The following ETFDH variants were observed in gnomAD, a reference collection of about 807,000 sequenced individuals.
The protein encoded by ETFDH is electron transfer flavoprotein dehydrogenase.
In ETFDH, 61 loss-of-function variants were observed where a neutral mutation model predicts 73.2. The observed-to-expected ratio is 0.83, with a 90% CI of 0.68 to 1.03. The LOEUF (loss-of-function observed/expected upper bound fraction) is 1.03. ETFDH is among the 50% of genes least tolerant of loss of function. The pLI is 0.00. For synonymous variants in ETFDH, 243 were observed against 253.3 expected, an observed-to-expected ratio of 0.96 and a Z score of 0.39; for missense variants, 685 against 745.0, an observed-to-expected ratio of 0.92 and a Z score of 0.94.
rs55861035 is a variant in ETFDH, at chr4:158,709,019, TTGTGTGTGTGTGTGTGTGTGTG to T, written c.*510_*531del. ...GAAGTATGCCCATCCCTGAACAAGT[TTGTGTGTGTGTGTGTGTGTGTG>T]TGTGTGTGTGTGTGTGTATTATCTA... On this transcript the variant is annotated 3_prime_UTR_variant, in exon 13 of 13. Transcript: ENST00000511912. 6.0e-5 allele frequency: 9 copies of T among 150,562 alleles called. No homozygotes were observed. The highest frequency in any genetic ancestry group is 7.9e-5 in the African/African-American group (3 of 37,778). The allele number at this position is 150,562 out of a possible 1,614,324, so 9.3% of individuals were successfully genotyped here.
chr4:158,687,989 G>A (rs1453597490), intron 5 of ETFDH, among the ~76,000 whole-genome samples: 2 of 152,220 alleles, frequency 1.3e-5, no homozygotes, highest in Admixed American at 6.5e-5. Context: ...GCAGTGGGCC[G>A]AGATCATGCC....
intron 1 of ETFDH, among the ~76,000 whole-genome samples, chr4:158,676,635 G>T (rs1238442150): frequency 1.3e-5 from 2 of 152,206 alleles, no homozygotes; most frequent in African/African-American, 4.8e-5. Flanking sequence ...ACTACTTGGA[G>T]GTTAGAAGCA....
intron 2 of ETFDH, among the ~76,000 whole-genome samples, chr4:158,681,113 A>G (rs1027981957): frequency 6.6e-6 from 1 of 152,220 alleles, no homozygotes; most frequent in African/African-American, 2.4e-5. Context: ...GTATTCTGGA[A>G]GAAGCTACCA....
At chr4:158,691,923 C>T (rs1774175858) in intron 6 of ETFDH, among the ~76,000 whole-genome samples, 1 of 152,166 alleles carries the variant, frequency 6.6e-6, no homozygotes, top group African/African-American at 2.4e-5. Context: ...TTATAAGCTC[C>T]CTAAGGATGG....
intron 6 of ETFDH, among the ~76,000 whole-genome samples, chr4:158,693,198 G>A (rs998173659): frequency 2.0e-5 from 3 of 152,166 alleles, no homozygotes; most frequent in African/African-American, 7.2e-5. Context: ...CCAATCTGGT[G>A]GACAGGTCTC....
chr4:158,686,809 A>G (rs1270163441), intron 5 of ETFDH, among the ~76,000 whole-genome samples: 1 of 152,154 alleles, frequency 6.6e-6, no homozygotes, highest in Non-Finnish European at 1.5e-5. Context: ...TACTCAGCAT[A>G]GGGGCTGAGT....
At chr4:158,702,934 C>A (rs141379967) in intron 9 of ETFDH, among the ~76,000 whole-genome samples, 27 of 152,218 alleles carry the variant, frequency 1.8e-4, no homozygotes, top group South Asian at 4.2e-4. Context: ...TACATTCCCA[C>A]CAACAATGTG....
rs1398381684 is a variant in ETFDH, at chr4:158,685,526, C to A, written c.606+307C>A. Among the ~76,000 whole-genome samples, 3 of 152,174 alleles carry A rather than the reference C, an allele frequency of 2.0e-5. No homozygotes were observed. In the South Asian group the frequency reaches 6.2e-4, roughly 32 times the overall value. On this transcript the variant is annotated intron_variant, in intron 5 of 12. Transcript: ENST00000511912. ...TGGTTTTATACTATCCAGAACAAAT[C>A]TATGCCCTCTTCCAAGGACAACTTT...
In ETFDH at chr4:158,708,482, G is replaced by A. The variant is rs796051960; in HGVS notation, c.1809G>A (p.Trp603Ter). Residue 603 changes from tryptophan to a stop codon, truncating the protein, a stop_gained, in exon 13 of 13, where the codon TGG (tryptophan) becomes TGA (stop). Transcript: ENST00000511912. LOFTEE classifies it high-confidence loss of function. The part of the protein sequence containing the change: ...DIKDPSQNIN[W>*]VVPEGGGGPA... ...AAGATCCAAGTCAGAATATTAACTG[G>A]GTGGTACCTGAAGGTGGAGGAGGAC... 2.5e-6 allele frequency: 4 copies of A among 1,613,350 alleles called. No homozygotes were observed. Among genetic ancestry groups the A allele is most frequent in the Non-Finnish European group, 3.4e-6 (4 of 1,179,476 alleles).
intron 2 of ETFDH, 100 bp downstream of exon 2, chr4:158,680,707 T>A (rs1773833158): frequency 1.9e-6 from 2 of 1,049,056 alleles, no homozygotes; most frequent in African/African-American, 1.6e-5. Flanking sequence ...TAAAAACATC[T>A]AATAATATTT....
intron 6 of ETFDH, 115 bp from the exon 7 acceptor site, chr4:158,695,382 A>G (rs1774282499): frequency 2.9e-6 from 2 of 687,474 alleles, no homozygotes; most frequent in African/African-American, 1.8e-5. Flanking sequence ...TTATAATATT[A>G]TACATTTGCA....
chr4:158,703,406 A>C lies in ETFDH; in HGVS notation c.1117-17A>C, dbSNP rs1774517885. 6.3e-7 allele frequency: 1 copy of C among 1,575,598 alleles called. No homozygotes were observed. The highest frequency in any genetic ancestry group is 1.4e-5 in the African/African-American group (1 of 74,068). ...AATATGAACTAACAAATGTATTCTG[A>C]ATCTTTGTTTCCTCAGTCTATACCA... is the stretch of plus-strand genomic sequence containing the variant. On this transcript the variant is annotated splice_polypyrimidine_tract_variant and intron_variant, in intron 9 of 12. Transcript: ENST00000511912.
chr4:158,697,251 T>G (rs2150311518), intron 7 of ETFDH, among the ~76,000 whole-genome samples: 1 of 152,144 alleles, frequency 6.6e-6, no homozygotes, highest in East Asian at 1.9e-4. Flanking sequence ...TCCGCCACCA[T>G]GCCTAGCTAA....
At chr4:158,674,643 T>C (rs1773669061) in intron 1 of ETFDH, among the ~76,000 whole-genome samples, 1 of 152,192 alleles carries the variant, frequency 6.6e-6, no homozygotes, top group Non-Finnish European at 1.5e-5. Context: ...GTTCATTTCT[T>C]TGCCACTTTA....
chr4:158,677,373 T>C, intron 1 of ETFDH, among the ~76,000 whole-genome samples: 1 of 152,206 alleles, frequency 6.6e-6, no homozygotes, highest in East Asian at 1.9e-4. Context: ...ATCTCAAAAG[T>C]TCACGAATTT....
Position 158,707,747 on chromosome 4 carries a change from G to A in ETFDH, c.1691-617G>A, listed in dbSNP as rs565147680. Among the ~76,000 whole-genome samples the A allele has an allele frequency of 2.4e-4, 37 of 152,322 alleles. 1 individual carries two copies. The South Asian group carries it at 7.7e-3, about 32-fold the overall frequency. The stretch of plus-strand genomic sequence containing the variant: ...GTAGTGATGCTGACAATTCAGAGAT[G>A]CCATAAAGTGCTTCCTTTAAGTGAA... On this transcript the variant is annotated intron_variant, in intron 12 of 12. Transcript: ENST00000511912.
chr4:158,709,002 C>T lies in ETFDH; in HGVS notation c.*475C>T. The T allele has an allele frequency of 6.0e-6, 1 of 166,000 alleles. No homozygotes were observed. The highest frequency in any genetic ancestry group is 1.3e-5 in the Non-Finnish European group (1 of 78,708). 10.3% of individuals were successfully genotyped at this position (166,000 alleles called of 1,614,324 possible). On this transcript the variant is annotated 3_prime_UTR_variant, in exon 13 of 13. Transcript: ENST00000511912. ...ATCTGGCCCTTGCAGAAGAAGTATG[C>T]CCATCCCTGAACAAGTTTGTGTGTG...
At chr4:158,680,434 A>C in intron 1 of ETFDH, 33 bp from the exon 2 acceptor site, 1 of 1,555,008 alleles carries the variant, frequency 6.4e-7, no homozygotes. Flanking sequence ...ACTAATTTTA[A>C]GGAAGATAAT....
intron 1 of ETFDH, chr4:158,679,473 C>G (rs76458511): frequency 6.6e-6 from 1 of 152,088 alleles, no homozygotes; most frequent in South Asian, 2.1e-4. Flanking sequence ...GTACAATCAA[C>G]GGGAGAAAAG....
Sources: gnomAD v4.1 joint callset for allele counts (sites outside exome capture counted in the v4.1 genomes callset) on GRCh38, gnomAD v4.1.1 for gene constraint, MANE v1.5 for transcripts, NCBI Gene and HGNC (gene_info 2026-07-23, HGNC 2026-07-21) for gene names.